The following ENPP6 variants were observed in gnomAD, a reference collection of about 807,000 sequenced individuals.
ENPP6 encodes the protein glycerophosphocholine cholinephosphodiesterase ENPP6.
Under a neutral mutation model 42.0 loss-of-function variants are expected in ENPP6, and 32 were observed. The observed-to-expected ratio is 0.76, with a 90% confidence interval of 0.58 to 1.02. ENPP6 has a LOEUF of 1.02. Ranked by LOEUF, ENPP6 falls within the 50% of genes least tolerant of loss-of-function variation. The probability of loss-of-function intolerance (pLI) is 0.00; values close to 1 mark genes in which losing one functional copy is unlikely to be tolerated. For synonymous variants in ENPP6, 213 were observed against 216.0 expected (o/e 0.99, Z 0.12); for missense variants, 552 against 566.8 (o/e 0.97, Z 0.27).
chr4:184,093,083 G>A (rs1348552163), intron 7 of ENPP6, among the ~76,000 whole-genome samples: 1 of 152,160 alleles, frequency 6.6e-6, no homozygotes, highest in Non-Finnish European at 1.5e-5. Context: ...CCAATATAAA[G>A]AGGTGTGTGG....
Position 184,146,852 on chromosome 4 carries a change from T to C in ENPP6, c.421+6702A>G, listed in dbSNP as rs117323600. On this transcript the variant is annotated intron_variant, in intron 2 of 7. Transcript: ENST00000296741. ...CTTCTGAAGCCTCTCCTCCTTGGTG[T>C]CCTTTGCAGGCTCACCCTCCTCCAT... 7.4e-3 allele frequency among the ~76,000 whole-genome samples: 1,127 copies of C among 152,298 alleles called. 28 individuals carry two copies. The highest frequency in any genetic ancestry group is 0.059 in the East Asian group (308 of 5,180).
At chr4:184,200,785 G>A (rs1484208871) in intron 1 of ENPP6, among the ~76,000 whole-genome samples, 1 of 152,182 alleles carries the variant, frequency 6.6e-6, no homozygotes, top group Non-Finnish European at 1.5e-5. Context: ...ACTCCCGGGG[G>A]ACCTGGCCTC....
intron 3 of ENPP6, among the ~76,000 whole-genome samples, chr4:184,122,703 G>A (rs1016828630): frequency 1.3e-5 from 2 of 152,202 alleles, no homozygotes; most frequent in African/African-American, 4.8e-5. Flanking sequence ...CAGCTGTTAA[G>A]ATAAGATGAA....
Position 184,139,438 on chromosome 4 carries a change from G to A in ENPP6, c.421+14116C>T, listed in dbSNP as rs193240862. On this transcript the variant is annotated intron_variant, in intron 2 of 7. Coordinates refer to ENST00000296741, the MANE Select transcript of ENPP6 (RefSeq NM_153343.4). ...AGTTACATATGTATACATGTGCCATGCTGGTGCGCTGCACCCACTAACTCG... is the reference window on the plus strand; with the variant it reads ...AGTTACATATGTATACATGTGCCATACTGGTGCGCTGCACCCACTAACTCG... Among the ~76,000 whole-genome samples the A allele has an allele frequency of 9.8e-3, 1,444 of 147,134 alleles. 20 individuals are homozygous for A. The highest frequency in any genetic ancestry group is 0.039 in the South Asian group (177 of 4,526).
chr4:184,098,074 G>T lies in ENPP6; in HGVS notation c.994-706C>A, dbSNP rs185969906. On this transcript the variant is annotated intron_variant, in intron 6 of 7. Coordinates refer to ENST00000296741, the MANE Select transcript of ENPP6 (RefSeq NM_153343.4). ...CTTTCTTTCCCACGGGCCTCTCTAT[G>T]TGGTGCCTCTCTAAGGGCCATCCAT... is the stretch of plus-strand genomic sequence containing the variant. Among the ~76,000 whole-genome samples the T allele has an allele frequency of 6.2e-4, 94 of 152,246 alleles. 1 individual carries two copies. In the East Asian group the frequency reaches 8.9e-3, roughly 14 times the overall value.
chr4:184,131,202 T>TTTC (rs760417509), intron 2 of ENPP6, among the ~76,000 whole-genome samples: 5 of 6,430 alleles, frequency 7.8e-4, no homozygotes, highest in East Asian at 3.1e-3. Context: ...TCTTTCTTTC[T>TTTC]TCTTTCTTTC....
At chr4:184,168,905 G>A (rs1737410094) in intron 1 of ENPP6, among the ~76,000 whole-genome samples, 1 of 151,618 alleles carries the variant, frequency 6.6e-6, no homozygotes, top group South Asian at 2.1e-4. Context: ...TGTGCCCCCC[G>A]CTTCCTCATT....
intron 1 of ENPP6, among the ~76,000 whole-genome samples, chr4:184,206,067 C>T (rs909602339): frequency 6.6e-6 from 1 of 151,778 alleles, no homozygotes; most frequent in Admixed American, 6.6e-5. Context: ...GAGGGCATGC[C>T]GAACAGAGAT....
intron 3 of ENPP6, among the ~76,000 whole-genome samples, chr4:184,123,187 CCATGGCATCGGAAGGG>C (rs1736446765): frequency 6.6e-6 from 1 of 152,160 alleles, no homozygotes; most frequent in Non-Finnish European, 1.5e-5. Flanking sequence ...CTGCTGCTCA[CCATGGCATCGGAAGGG>C]CGTGGCAAGA....
Position 184,097,231 on chromosome 4 carries a change from A to G in ENPP6, c.1117+14T>C. 1 of 1,614,028 alleles carries G rather than the reference A, an allele frequency of 6.2e-7. No individual in the cohort carries two copies. The highest frequency in any genetic ancestry group is 1.6e-4 in the Middle Eastern group (1 of 6,062). On this transcript the variant is annotated intron_variant, in intron 7 of 7. Transcript: ENST00000296741. ...GAATGGGGTCTGAGAGCATCTGGTC[A>G]TTTCCTCGCCTACCAGGTCCGAAGG...
rs934276783 is a variant in ENPP6 at position 184,128,022 on chromosome 4, G to C, written c.422-3750C>G. Among the ~76,000 whole-genome samples the C allele has an allele frequency of 5.9e-5, 9 of 152,060 alleles. No homozygotes were observed. In the South Asian group the frequency reaches 1.9e-3, roughly 32 times the overall value. On this transcript the variant is annotated intron_variant, in intron 2 of 7. Transcript: ENST00000296741. ...TTAAAAGATTTGAAAATACAGAACA[G>C]CATAGCTTTTGAGTCATCAAGGAAA...
intron 1 of ENPP6, among the ~76,000 whole-genome samples, chr4:184,197,244 C>G (rs1052367733): frequency 6.6e-6 from 1 of 151,684 alleles, no homozygotes; most frequent in South Asian, 2.1e-4. Flanking sequence ...CCCCCTGGGC[C>G]AAATTGTTGA....
chr4:184,104,397 A>G (rs1736053535), intron 6 of ENPP6, among the ~76,000 whole-genome samples: 1 of 152,196 alleles, frequency 6.6e-6, no homozygotes, highest in Non-Finnish European at 1.5e-5. Flanking sequence ...CATTTCTCTC[A>G]AGTCAGGCAG....
At chr4:184,194,153 C>T (rs1481202877) in intron 1 of ENPP6, among the ~76,000 whole-genome samples, 1 of 152,202 alleles carries the variant, frequency 6.6e-6, no homozygotes, top group Non-Finnish European at 1.5e-5. Flanking sequence ...TTTCCCACTC[C>T]TCGGTCAGCA....
intron 5 of ENPP6, 49 bp downstream of exon 5, chr4:184,116,807 A>G: frequency 6.2e-7 from 1 of 1,602,588 alleles, no homozygotes; most frequent in East Asian, 2.2e-5. Flanking sequence ...AGATGGCAAC[A>G]CACGAGGGCC....
intron 6 of ENPP6, among the ~76,000 whole-genome samples, chr4:184,105,490 T>C (rs1349232899): frequency 6.6e-6 from 1 of 152,202 alleles, no homozygotes; most frequent in Non-Finnish European, 1.5e-5. Context: ...GTGTGCTTCA[T>C]GGCTAGACTT....
At chr4:184,111,189 G>A (rs547486535) in intron 6 of ENPP6, among the ~76,000 whole-genome samples, 2 of 152,236 alleles carry the variant, frequency 1.3e-5, no homozygotes, top group African/African-American at 4.8e-5. Context: ...TCTCAGCACG[G>A]GTGACTTCAG....
intron 2 of ENPP6, among the ~76,000 whole-genome samples, chr4:184,144,500 C>G (rs4301156): frequency 0.94 from 142,769 of 152,284 alleles, 67,391 homozygotes; most frequent in East Asian, 1. Flanking sequence ...CCCTGTGGAA[C>G]GGATCGGGGG....
chr4:184,106,806 C>T (rs1245312070), intron 6 of ENPP6, among the ~76,000 whole-genome samples: 1 of 152,204 alleles, frequency 6.6e-6, no homozygotes, highest in African/African-American at 2.4e-5. Context: ...TGGCTCCCCA[C>T]TGTGGAATTA....
Sources: allele counts gnomAD v4.1 joint callset (sites outside exome capture counted in the v4.1 genomes callset), GRCh38; gene constraint gnomAD v4.1.1; transcripts MANE v1.5; gene names NCBI Gene and HGNC (gene_info 2026-07-23, HGNC 2026-07-21).